The following SLC15A3 variants were observed in gnomAD, a reference collection of about 807,000 sequenced individuals.
SLC15A3 encodes osteoclast transporter.
In SLC15A3, 39 loss-of-function variants were observed where a neutral mutation model predicts 49.2. The observed-to-expected ratio is 0.79, with a 90% CI of 0.61 to 1.04. The LOEUF (loss-of-function observed/expected upper bound fraction) is 1.04. SLC15A3 is among the 50% of genes least tolerant of loss of function. The probability of loss-of-function intolerance (pLI) is 0.00; values close to 1 mark genes in which losing one functional copy is unlikely to be tolerated. For synonymous variants in SLC15A3, 339 were observed against 367.0 expected (o/e 0.92, Z 0.87); for missense variants, 758 against 794.8 (o/e 0.95, Z 0.56).
intron 4 of SLC15A3, 114 bp from the exon 5 acceptor site, chr11:60,941,404 C>A (rs1856707077): frequency 9.3e-7 from 1 of 1,081,026 alleles, no homozygotes; most frequent in Non-Finnish European, 1.3e-6. Context: ...CAGCTCCTTT[C>A]CCTCTCTGGA....
chr11:60,939,292 C>CA (rs1189468655), intron 6 of SLC15A3, among the ~76,000 whole-genome samples, 188 bp downstream of exon 6: 1 of 152,208 alleles, frequency 6.6e-6, no homozygotes, highest in African/African-American at 2.4e-5. Flanking sequence ...GTGCCTGTCA[C>CA]ATAGGGGCTG....
chr11:60,943,650 G>A (rs1856752453), intron 3 of SLC15A3, 39 bp downstream of exon 3: 6 of 1,471,618 alleles, frequency 4.1e-6, no homozygotes, highest in Admixed American at 2.3e-5. Flanking sequence ...TGGTGAGTGG[G>A]GAGCCAGGCC....
At position 60,951,569 on chromosome 11, in the gene SLC15A3, C is replaced by T. The variant is rs926777925; in HGVS notation, c.-18G>A. 2.3e-4 allele frequency: 260 copies of T among 1,130,794 alleles called. 1 individual carries two copies. Among genetic ancestry groups the T allele is most frequent in the Non-Finnish European group, 2.7e-4 (251 of 924,698 alleles). The allele number at this position is 1,130,794 out of a possible 1,614,324, so 70.0% of individuals were successfully genotyped here. ...GCGGGCATCCTGGCTCCGGGCTGGGCCCCCCGCGGCTCTTCTCTCCTCTCC... is the reference window on the plus strand; with the variant it reads ...GCGGGCATCCTGGCTCCGGGCTGGGTCCCCCGCGGCTCTTCTCTCCTCTCC... On this transcript the variant is annotated 5_prime_UTR_variant, in exon 1 of 8. Coordinates refer to ENST00000227880, the MANE Select transcript of SLC15A3 (RefSeq NM_016582.3).
chr11:60,950,138 T>C (rs1382384739), intron 1 of SLC15A3, among the ~76,000 whole-genome samples: 1 of 152,220 alleles, frequency 6.6e-6, no homozygotes, highest in Non-Finnish European at 1.5e-5. Context: ...CCATTCAGGA[T>C]ATAAATGAGT....
chr11:60,939,786 G>T, intron 5 of SLC15A3, 148 bp from the exon 6 acceptor site: 1 of 898,178 alleles, frequency 1.1e-6, no homozygotes, highest in Non-Finnish European at 1.7e-6. Context: ...ACTGGGGGGT[G>T]GAGGAGGGGG....
intron 1 of SLC15A3, 23 bp downstream of exon 1, chr11:60,950,970 CG>C (rs1856905673): frequency 7.1e-7 from 1 of 1,412,404 alleles, no homozygotes; most frequent in South Asian, 1.5e-5. Flanking sequence ...CGGAGTATGC[CG>C]GGGCAGGCCT....
At position 60,939,638 on chromosome 11, in the gene SLC15A3, C is replaced by G. The variant is rs1856681852; in HGVS notation, c.1277G>C (p.Gly426Ala). The G allele has an allele frequency of 1.9e-6, 3 of 1,613,876 alleles. No individual in the cohort carries two copies. In the African/African-American group the frequency reaches 4.0e-5, roughly 22 times the overall value. Residue 426 changes from glycine to alanine, a missense_variant and splice_region_variant, in exon 6 of 8, where the codon GGA becomes GCA. By Grantham distance (60) the Gly-to-Ala change is moderately conservative. Transcript: ENST00000227880. ...GTGTAAGCGCTCCATCTCCAGGACTCCTGGTGGAGGAGCAGAGGGGGATTA... is the reference window on the plus strand; with the variant it reads ...GTGTAAGCGCTCCATCTCCAGGACTGCTGGTGGAGGAGCAGAGGGGGATTA... ...FFGFTSVIVA[G>A]VLEMERLHYI...
At position 60,949,480 on chromosome 11, in the gene SLC15A3, GAAA is replaced by G. The variant is rs1392327985; in HGVS notation, c.558+1511_558+1513del. Among the ~76,000 whole-genome samples the G allele has an allele frequency of 5.5e-5, 8 of 145,144 alleles. 1 individual carries two copies. The highest frequency in any genetic ancestry group is 2.1e-4 in the African/African-American group (8 of 38,864). ...AGAAAGAGAGAGAGAGAAAGAGAAA[GAAA>G]GGAAGAAAGAAAGAAAGAAGGAAAG... On this transcript the variant is annotated intron_variant, in intron 1 of 7. Transcript: ENST00000227880.
chr11:60,939,513 T>A lies in SLC15A3; in HGVS notation c.1402A>T (p.Ile468Phe). The stretch of plus-strand genomic sequence containing the variant: ...CTGGCAAAGATCTCACTGATCCCAA[T>A]GAGCAGGTACTGAGGGATCTGCCAC... The part of the protein sequence containing the change: ...IWWQIPQYLL[I>F]GISEIFASIP... The change falls in exon 6 of 8, where the codon ATT becomes TTT. Residue 468 changes from isoleucine to phenylalanine, a missense_variant. Transcript: ENST00000227880. 1 of 1,614,164 alleles carries A rather than the reference T, an allele frequency of 6.2e-7. No individual in the cohort carries two copies. Among genetic ancestry groups the A allele is most frequent in the Admixed American group, 1.7e-5 (1 of 60,026 alleles).
At chr11:60,946,885 C>A (rs932284416) in intron 1 of SLC15A3, 64 bp from the exon 2 acceptor site, 1 of 1,519,694 alleles carries the variant, frequency 6.6e-7, no homozygotes, top group South Asian at 1.3e-5. Context: ...TGTACCCATA[C>A]CCCTCCCTCC....
rs545409760 is a variant in SLC15A3, at chr11:60,946,784, A to G, written c.596T>C (p.Phe199Ser). ...DLGRDATRRF[F>S]NWFYWSINLG... ...GTTGATGCTCCAGTAAAACCAGTTG[A>G]AGAAGCGGCGGGTGGCGTCGCGGCC... Residue 199 changes from phenylalanine to serine, a missense_variant, in exon 2 of 8, where the codon TTC becomes TCC. Around this residue, in one of 3 missense-constraint regions of SLC15A3, gnomAD observed 699 missense variants for 706.7 expected, o/e 0.99. Transcript: ENST00000227880. 6 of 1,613,746 alleles carry G rather than the reference A, an allele frequency of 3.7e-6. No individual in the cohort carries two copies. The East Asian group carries it at 6.7e-5, about 18-fold the overall frequency.
intron 5 of SLC15A3, 161 bp downstream of exon 5, chr11:60,940,961 T>C (rs1039448807): frequency 4.6e-6 from 3 of 656,322 alleles, no homozygotes; most frequent in South Asian, 5.4e-5. Flanking sequence ...CTGGATTAGA[T>C]AGGAGGGTCT....
chr11:60,949,455 A>T (rs1188508743), intron 1 of SLC15A3, among the ~76,000 whole-genome samples: 1 of 148,722 alleles, frequency 6.7e-6, no homozygotes, highest in Non-Finnish European at 1.5e-5. Flanking sequence ...AGAAAGAGAA[A>T]GAAAGAGAGA....
Position 60,946,313 on chromosome 11 carries a change from C to T in SLC15A3, c.848+219G>A, listed in dbSNP as rs559006550. On this transcript the variant is annotated intron_variant, in intron 2 of 7. Coordinates refer to ENST00000227880, the MANE Select transcript of SLC15A3 (RefSeq NM_016582.3). ...CAGCCCCATCCTCACACATTCTGTA[C>T]GTAGATGGCAACCAATAATACCACC... Among the ~76,000 whole-genome samples, 15 of 150,982 alleles carry T rather than the reference C, an allele frequency of 9.9e-5. 1 individual carries two copies. The highest frequency in any genetic ancestry group is 3.1e-4 in the African/African-American group (13 of 41,476).
chr11:60,944,289 C>G (rs1856769705), intron 2 of SLC15A3, among the ~76,000 whole-genome samples: 1 of 152,166 alleles, frequency 6.6e-6, no homozygotes, highest in Non-Finnish European at 1.5e-5. Flanking sequence ...AATCAGTACC[C>G]TCATCTCCTC....
chr11:60,939,745 A>C (rs1416559165), intron 5 of SLC15A3, 107 bp from the exon 6 acceptor site: 3 of 1,315,952 alleles, frequency 2.3e-6, no homozygotes, highest in African/African-American at 2.9e-5. Flanking sequence ...GCAGCCAAAG[A>C]TTGAGCAGCA....
intron 2 of SLC15A3, among the ~76,000 whole-genome samples, chr11:60,945,130 C>G (rs559940481): frequency 6.6e-6 from 1 of 152,186 alleles, no homozygotes; most frequent in Non-Finnish European, 1.5e-5. Context: ...CTTAAGAAGA[C>G]CCATAACTTC....
At chr11:60,950,514 G>T (rs1856894783) in intron 1 of SLC15A3, among the ~76,000 whole-genome samples, 1 of 152,134 alleles carries the variant, frequency 6.6e-6, no homozygotes, top group Non-Finnish European at 1.5e-5. Flanking sequence ...CCTGCCTGGC[G>T]TGGTGGCTCA....
chr11:60,947,090 G>A (rs192051670), intron 1 of SLC15A3, among the ~76,000 whole-genome samples: 2 of 151,638 alleles, frequency 1.3e-5, no homozygotes, highest in Non-Finnish European at 2.9e-5. Flanking sequence ...TTTTATTGTC[G>A]CAGAGGAACA....
Sources: gnomAD v4.1 joint callset for allele counts (sites outside exome capture counted in the v4.1 genomes callset) on GRCh38, gnomAD v4.1.1 for gene constraint, gnomAD v4.1.1 regional missense constraint, MANE v1.5 for transcripts, NCBI Gene and HGNC (gene_info 2026-07-23, HGNC 2026-07-21) for gene names.